The following ANK3 variants were observed in gnomAD, a reference collection of about 807,000 sequenced individuals.
ANK3 encodes the protein ankyrin 3, also known as ankyrin-3.
ANK3 carries 57 observed loss-of-function variants against 370.9 expected under a neutral mutation model. That is an observed-to-expected ratio of 0.15 (90% CI 0.12 to 0.19). The LOEUF (loss-of-function observed/expected upper bound fraction) is 0.19, where lower values mean the gene tolerates loss of function less well. ANK3 is among the 10% of genes least tolerant of loss of function. The probability of loss-of-function intolerance (pLI) is 1.00; values close to 1 mark genes in which losing one functional copy is unlikely to be tolerated. For missense variants in ANK3, 4,439 were observed against 5,302.1 expected (o/e 0.84, Z 5.06); for synonymous variants, 1,929 against 1,946.3 (o/e 0.99, Z 0.23).
chr10:60,106,497 TA>T (rs2092193447), intron 27 of ANK3, among the ~76,000 whole-genome samples: 1 of 152,180 alleles, frequency 6.6e-6, no homozygotes, highest in South Asian at 2.1e-4. Context: ...AGATGATTGC[TA>T]TATTTTCTCC....
intron 1 of ANK3, among the ~76,000 whole-genome samples, chr10:60,344,932 G>T (rs2055087857): frequency 6.6e-6 from 1 of 152,156 alleles, no homozygotes; most frequent in South Asian, 2.1e-4. Flanking sequence ...ATCATTTTGG[G>T]ACACATTCAT....
intron 1 of ANK3, among the ~76,000 whole-genome samples, chr10:60,621,910 A>G (rs2078342988): frequency 6.6e-6 from 1 of 152,198 alleles, no homozygotes; most frequent in South Asian, 2.1e-4. Flanking sequence ...TAACAATGCA[A>G]GATCAAAGTC....
intron 41 of ANK3, 65 bp downstream of exon 41, chr10:60,059,275 T>A: frequency 7.3e-7 from 1 of 1,377,142 alleles, no homozygotes; most frequent in Non-Finnish European, 1.0e-6. Context: ...CTAAAAAGCA[T>A]GTATTTAAGA....
chr10:60,206,485 T>C (rs80100019), intron 10 of ANK3, among the ~76,000 whole-genome samples: 204 of 152,046 alleles, frequency 1.3e-3, no homozygotes, highest in African/African-American at 4.6e-3. Flanking sequence ...AAATAATAAA[T>C]AATAATAATA....
chr10:60,059,290 C>CTATT (rs756416704), intron 41 of ANK3, 50 bp downstream of exon 41: 6 of 1,474,484 alleles, frequency 4.1e-6, no homozygotes, highest in Non-Finnish European at 5.7e-6. Flanking sequence ...TTAAGATAAA[C>CTATT]TATTAACAAG....
chr10:60,308,499 C>G (rs552018721), intron 1 of ANK3, among the ~76,000 whole-genome samples: 6 of 152,116 alleles, frequency 3.9e-5, no homozygotes, highest in African/African-American at 1.4e-4. Context: ...TGGTCTCGAA[C>G]TCCTGATGTC....
At chr10:60,398,174 T>A (rs2063281274) in intron 2 of ANK3, among the ~76,000 whole-genome samples, 1 of 152,236 alleles carries the variant, frequency 6.6e-6, no homozygotes, top group Admixed American at 6.5e-5. Flanking sequence ...TTATGGACAT[T>A]GAAATGTGAG....
At chr10:60,195,211 G>A (rs537136493) in intron 16 of ANK3, among the ~76,000 whole-genome samples, 34 of 152,012 alleles carry the variant, frequency 2.2e-4, no homozygotes, top group Admixed American at 1.6e-3. Flanking sequence ...GGTGAAACCC[G>A]GTCTCTACCA....
At chr10:60,127,969 T>G (rs2093855027) in intron 25 of ANK3, among the ~76,000 whole-genome samples, 2 of 152,148 alleles carry the variant, frequency 1.3e-5, no homozygotes, top group African/African-American at 2.4e-5. Context: ...AGTGCTGGAA[T>G]TACAGATGTG....
intron 1 of ANK3, among the ~76,000 whole-genome samples, chr10:60,320,173 C>A (rs1413595295): frequency 6.6e-6 from 1 of 152,212 alleles, no homozygotes; most frequent in Non-Finnish European, 1.5e-5. Context: ...AACTTGGAAC[C>A]ATTTGCTTGA....
chr10:60,244,294 A>T (rs1255993130), intron 7 of ANK3, among the ~76,000 whole-genome samples: 1 of 152,174 alleles, frequency 6.6e-6, no homozygotes. Flanking sequence ...CCCATGTCTC[A>T]TCTCTTCTTT....
rs914625685 is a variant in ANK3, at chr10:60,573,037, G to A, written c.96+42149C>T. The A allele has an allele frequency of 9.1e-6, 9 of 985,768 alleles. No homozygotes were observed. The South Asian group carries it at 1.9e-4, about 21-fold the overall frequency. 61.1% of individuals were successfully genotyped at this position (985,768 alleles called of 1,614,324 possible). ...GGAAGCTGAATGTAAATTGCTCTCC[G>A]TGCTGCTAGCCTCCCATACTAACAC... On this transcript the variant is annotated intron_variant, in intron 2 of 43. Coordinates refer to the ANK3 transcript ENST00000373827.
intron 38 of ANK3, among the ~76,000 whole-genome samples, chr10:60,064,700 C>T (rs2081299868): frequency 6.6e-6 from 1 of 151,856 alleles, no homozygotes; most frequent in Non-Finnish European, 1.5e-5. Context: ...ACAACAACAA[C>T]AACAACAACA....
intron 7 of ANK3, among the ~76,000 whole-genome samples, chr10:60,242,873 G>C (rs925411785): frequency 6.6e-6 from 1 of 152,072 alleles, no homozygotes; most frequent in Non-Finnish European, 1.5e-5. Context: ...TGAAAAATTT[G>C]ATTTTTTGAA....
chr10:60,180,464 C>T (rs890058941), intron 18 of ANK3, among the ~76,000 whole-genome samples: 1 of 150,122 alleles, frequency 6.7e-6, no homozygotes, highest in Non-Finnish European at 1.5e-5. Context: ...GGCATGGTGG[C>T]ACATGCCTGT....
At chr10:60,637,711 A>G (rs550438668) in intron 1 of ANK3, among the ~76,000 whole-genome samples, 1 of 152,348 alleles carries the variant, frequency 6.6e-6, no homozygotes, top group Non-Finnish European at 1.5e-5. Context: ...ATAAGAGATG[A>G]CATGAGAAAA....
chr10:60,313,279 C>T lies in ANK3; in HGVS notation c.115-33640G>A, dbSNP rs191486955. On this transcript the variant is annotated intron_variant, in intron 1 of 43. Transcript: ENST00000280772. Reference sequence around the variant, plus strand: ...GAGATTCAATCAAAGTTAAAGGAAGCCAGTAACTTCTGAGTAATATATGAG... The same window carrying T: ...GAGATTCAATCAAAGTTAAAGGAAGTCAGTAACTTCTGAGTAATATATGAG... 3.8e-4 allele frequency among the ~76,000 whole-genome samples: 58 copies of T among 152,162 alleles called. 1 individual carries two copies. The Middle Eastern group carries it at 0.027, about 71-fold the overall frequency.
At chr10:60,293,374 C>T (rs1051470556) in intron 1 of ANK3, among the ~76,000 whole-genome samples, 4 of 152,098 alleles carry the variant, frequency 2.6e-5, no homozygotes, top group South Asian at 2.1e-4. Flanking sequence ...GATAGAGTAA[C>T]GATTAACTCT....
exon 1 of ANK3, chr10:60,733,311 G>A: frequency 1.6e-6 from 2 of 1,236,270 alleles, no homozygotes; most frequent in Admixed American, 8.4e-5. Flanking sequence ...AGGAGGCGGA[G>A]GAGGCCATGT....
Sources: gnomAD v4.1 joint callset for allele counts (sites outside exome capture counted in the v4.1 genomes callset) on GRCh38, gnomAD v4.1.1 for gene constraint, MANE v1.5 for transcripts, NCBI Gene and HGNC (gene_info 2026-07-23, HGNC 2026-07-21) for gene names.